The following SEMA3D variants were observed in gnomAD, a reference collection of about 807,000 sequenced individuals.
SEMA3D encodes the protein semaphorin 3D, also known as semaphorin-3D.
SEMA3D carries 84 observed loss-of-function variants against 100.1 expected under a neutral mutation model. The ratio of observed to expected loss-of-function variants is 0.84; its 90% CI spans 0.70 to 1.01. SEMA3D has a LOEUF of 1.01. SEMA3D is among the 50% of genes least tolerant of loss of function. SEMA3D has a pLI of 0.00. For missense variants in SEMA3D, 875 were observed against 934.1 expected (o/e 0.94, Z 0.82); for synonymous variants, 312 against 320.7 (o/e 0.97, Z 0.29).
chr7:85,238,018 A>G, the SEMA3D span, among the ~76,000 whole-genome samples: 1 of 152,200 alleles, frequency 6.6e-6, no homozygotes. Context: ...CTAATTGCAT[A>G]CAATGTTGAA....
chr7:85,072,860 T>C lies in SEMA3D; in HGVS notation c.495+102A>G. Reference sequence around the variant, plus strand: ...AGGCACCTCCATGCCTGGCCATATATGTTTCAGTCCTTATATTCAAATCTG... The same window carrying C: ...AGGCACCTCCATGCCTGGCCATATACGTTTCAGTCCTTATATTCAAATCTG... On this transcript the variant is annotated intron_variant, in intron 6 of 18. Coordinates refer to ENST00000284136, the MANE Select transcript of SEMA3D (RefSeq NM_001384900.1). The C allele has an allele frequency of 4.3e-6, 4 of 931,402 alleles. No homozygotes were observed. The East Asian group carries it at 8.2e-5, about 19-fold the overall frequency. 57.7% of individuals were successfully genotyped at this position (931,402 alleles called of 1,614,324 possible). A position where few individuals can be genotyped will look rare whatever the true frequency, so the allele number is the denominator to read the frequency against.
intron 3 of SEMA3D, among the ~76,000 whole-genome samples, chr7:85,108,755 A>G (rs1789004143): frequency 6.6e-6 from 1 of 152,016 alleles, no homozygotes; most frequent in Non-Finnish European, 1.5e-5. Context: ...CAATGTGGCC[A>G]CAGTATTTTT....
chr7:85,206,257 C>A, the SEMA3D span, among the ~76,000 whole-genome samples: 5 of 152,088 alleles, frequency 3.3e-5, no homozygotes, highest in African/African-American at 1.2e-4. Flanking sequence ...TTCTATTCTC[C>A]ATGAACTGGA....
chr7:85,248,523 T>C, the SEMA3D span, among the ~76,000 whole-genome samples: 2 of 152,184 alleles, frequency 1.3e-5, no homozygotes, highest in Non-Finnish European at 2.9e-5. Context: ...AGCTTGCACA[T>C]AGATGTTTAT....
At chr7:85,247,826 G>A in the SEMA3D span, among the ~76,000 whole-genome samples, 1 of 152,056 alleles carries the variant, frequency 6.6e-6, no homozygotes, top group Non-Finnish European at 1.5e-5. Context: ...AATTATGCAA[G>A]AACAGCTGGA....
At chr7:85,127,371 C>T (rs1562828479) in intron 2 of SEMA3D, among the ~76,000 whole-genome samples, 1 of 152,114 alleles carries the variant, frequency 6.6e-6, no homozygotes, top group South Asian at 2.1e-4. Flanking sequence ...ACACTGTTAA[C>T]ATTTTACTTG....
At chr7:85,137,753 A>G (rs1267298317) in intron 2 of SEMA3D, among the ~76,000 whole-genome samples, 1 of 152,124 alleles carries the variant, frequency 6.6e-6, no homozygotes, top group Non-Finnish European at 1.5e-5. Flanking sequence ...TTCTTTAACT[A>G]CACAAATTAC....
At chr7:85,065,585 A>G (rs114386950) in intron 7 of SEMA3D, 33 bp from the exon 8 acceptor site, 2 of 1,583,188 alleles carry the variant, frequency 1.3e-6, no homozygotes, top group Non-Finnish European at 1.7e-6. Flanking sequence ...CAGAACTTTT[A>G]AGAGTACAGC....
chr7:85,177,149 G>C (rs1791258020), intron 1 of SEMA3D, among the ~76,000 whole-genome samples: 1 of 152,024 alleles, frequency 6.6e-6, no homozygotes, highest in Non-Finnish European at 1.5e-5. Context: ...AATGATACAT[G>C]ACTGTATAGT....
chr7:85,038,193 A>G (rs1282053006), intron 11 of SEMA3D, among the ~76,000 whole-genome samples: 1 of 152,120 alleles, frequency 6.6e-6, no homozygotes, highest in Non-Finnish European at 1.5e-5. Context: ...AACTTAAAGT[A>G]TAATAAAAAT....
chr7:85,087,720 A>T (rs956112951), intron 4 of SEMA3D, among the ~76,000 whole-genome samples: 2 of 152,162 alleles, frequency 1.3e-5, no homozygotes, highest in East Asian at 3.9e-4. Context: ...CATATTCTAT[A>T]ATTTACTGAC....
At chr7:85,028,948 C>G (rs1162919727) in intron 12 of SEMA3D, 4 of 280,812 alleles carry the variant, frequency 1.4e-5, no homozygotes, top group African/African-American at 6.7e-5. Context: ...TATGATGCAG[C>G]TGTCCAGGCA....
Position 85,056,095 on chromosome 7 carries a change from T to G in SEMA3D, c.719-236A>C, listed in dbSNP as rs934362393. On this transcript the variant is annotated intron_variant, in intron 8 of 18. Coordinates refer to ENST00000284136, the MANE Select transcript of SEMA3D (RefSeq NM_001384900.1). ...GAATTCCAGAGAGCAGGTGAGAACA[T>G]GACTAGACTAAATTGCTTGTAGATC... Among the ~76,000 whole-genome samples, 11 of 152,066 alleles carry G rather than the reference T, an allele frequency of 7.2e-5. No homozygotes were observed. In the South Asian group the frequency reaches 1.4e-3, roughly 20 times the overall value.
At chr7:85,056,172 G>A (rs1021925212) in intron 8 of SEMA3D, among the ~76,000 whole-genome samples, 6 of 152,110 alleles carry the variant, frequency 3.9e-5, no homozygotes, top group African/African-American at 1.2e-4. Context: ...ATATAATGGA[G>A]TTTTCAACCA....
intron 8 of SEMA3D, among the ~76,000 whole-genome samples, chr7:85,056,173 T>G (rs1791312939): frequency 6.6e-6 from 1 of 151,748 alleles, no homozygotes; most frequent in African/African-American, 2.4e-5. Context: ...TATAATGGAG[T>G]TTTCAACCAC....
the SEMA3D span, among the ~76,000 whole-genome samples, chr7:85,208,551 A>T: frequency 2.6e-5 from 4 of 151,950 alleles, no homozygotes; most frequent in African/African-American, 9.7e-5. Context: ...TCAAATTTTG[A>T]TTTTGCTACC....
chr7:85,082,246 C>T (rs1788085561), intron 4 of SEMA3D, among the ~76,000 whole-genome samples: 1 of 152,158 alleles, frequency 6.6e-6, no homozygotes, highest in South Asian at 2.1e-4. Context: ...GACTCAAAGT[C>T]CATCTGACTC....
intron 3 of SEMA3D, among the ~76,000 whole-genome samples, chr7:85,109,434 A>G (rs1789026222): frequency 6.6e-6 from 1 of 151,974 alleles, no homozygotes; most frequent in African/African-American, 2.4e-5. Flanking sequence ...CGACAGGTTC[A>G]CTTCTATTGC....
chr7:85,160,857 T>TG (rs897862159), intron 1 of SEMA3D, among the ~76,000 whole-genome samples: 6 of 152,204 alleles, frequency 3.9e-5, no homozygotes, highest in Admixed American at 3.9e-4. Flanking sequence ...ATCAAAACTC[T>TG]GGGGGAAGAA....
Sources: gnomAD v4.1 joint callset for allele counts (sites outside exome capture counted in the v4.1 genomes callset) on GRCh38, gnomAD v4.1.1 for gene constraint, MANE v1.5 for transcripts, NCBI Gene and HGNC (gene_info 2026-07-23, HGNC 2026-07-21) for gene names.